The following BPTF variants were observed in gnomAD, a reference collection of about 807,000 sequenced individuals.
BPTF encodes nucleosome-remodeling factor subunit BPTF.
Under a neutral mutation model 292.5 loss-of-function variants are expected in BPTF, and 18 were observed. The ratio of observed to expected loss-of-function variants is 0.06; its 90% CI spans 0.04 to 0.09. The LOEUF (loss-of-function observed/expected upper bound fraction) is 0.09. Among genes scored for constraint, BPTF ranks in the 10% least tolerant of loss-of-function variants. The pLI is 1.00. For synonymous variants in BPTF, 1,225 were observed against 1,251.9 expected (o/e 0.98, Z 0.45); for missense variants, 2,726 against 3,498.7 (o/e 0.78, Z 5.57).
At chr17:67,841,422 A>G (rs568936032) in intron 1 of BPTF, among the ~76,000 whole-genome samples, 3 of 152,276 alleles carry the variant, frequency 2.0e-5, no homozygotes, top group African/African-American at 7.2e-5. Context: ...ATAAATAAAT[A>G]AAAAATAAAT....
Position 67,854,288 on chromosome 17 carries a change from T to C in BPTF, c.962T>C (p.Ile321Thr), listed in dbSNP as rs2058575469. 6.2e-7 allele frequency: 1 copy of C among 1,614,172 alleles called. No homozygotes were observed. The highest frequency in any genetic ancestry group is 8.5e-7 in the Non-Finnish European group (1 of 1,180,030). The change falls in exon 2 of 28, where the codon ATA becomes ACA. Residue 321 changes from isoleucine to threonine, a missense_variant. Transcript: ENST00000306378. The surrounding 1 kb of genome is among the most constrained non-coding windows in gnomAD (Gnocchi z 5.6). ...KDSVNSTLYF[I>T]DGMTWPEVLR... ...AGCGTTAATTCCACACTGTATTTCATAGATGGGATGACGTGGCCAGAGGTG... is the reference window on the plus strand; with the variant it reads ...AGCGTTAATTCCACACTGTATTTCACAGATGGGATGACGTGGCCAGAGGTG...
chr17:67,979,320 C>T (rs782560793), intron 27 of BPTF, among the ~76,000 whole-genome samples: 4 of 151,722 alleles, frequency 2.6e-5, no homozygotes, highest in Admixed American at 1.3e-4. Flanking sequence ...GGCCAAGGCA[C>T]GTGGATCATC....
Position 67,925,061 on chromosome 17 carries a change from T to G in BPTF, c.5751+472T>G, listed in dbSNP as rs558049112. On this transcript the variant is annotated intron_variant, in intron 15 of 27. Transcript: ENST00000306378. Reference sequence around the variant, plus strand: ...ATTGCACCCATCCAGGTTTTTTTTTTTTTTTTTTTTTTAAGTGTATCTCAC... The same window carrying G: ...ATTGCACCCATCCAGGTTTTTTTTTGTTTTTTTTTTTTAAGTGTATCTCAC... 5.3e-5 allele frequency among the ~76,000 whole-genome samples: 8 copies of G among 151,586 alleles called. No individual in the cohort carries two copies. The East Asian group carries it at 1.2e-3, about 22-fold the overall frequency.
intron 11 of BPTF, 108 bp downstream of exon 11, chr17:67,913,295 CAT>C (rs781307918): frequency 2.7e-5 from 39 of 1,438,168 alleles, no homozygotes; most frequent in African/African-American, 1.4e-4. Context: ...AGACAGGAAA[CAT>C]ATTAATGGCC....
chr17:67,885,635 T>C (rs138981392), intron 4 of BPTF, among the ~76,000 whole-genome samples: 1 of 152,266 alleles, frequency 6.6e-6, no homozygotes, highest in Non-Finnish European at 1.5e-5. Flanking sequence ...TTCAGTTAAT[T>C]TGGGCATAGT....
At position 67,975,702 on chromosome 17, in the gene BPTF, A is replaced by G. The variant is rs1381569115; in HGVS notation, c.8540-70A>G. ...CACAGTAAACATATATACTTGTTAG[A>G]ACTTCGGAGAATATTCACATTGGAA... On this transcript the variant is annotated intron_variant, in intron 26 of 27. Coordinates refer to ENST00000306378, the MANE Select transcript of BPTF (RefSeq NM_182641.4). 15 of 1,395,646 alleles carry G rather than the reference A, an allele frequency of 1.1e-5. No homozygotes were observed. In the East Asian group the frequency reaches 3.1e-4, roughly 28 times the overall value. The allele number at this position is 1,395,646 out of a possible 1,614,324, so 86.5% of individuals were successfully genotyped here. A position where few individuals can be genotyped will look rare whatever the true frequency, so the allele number is the denominator to read the frequency against.
chr17:67,960,819 A>G (rs1347074749), intron 24 of BPTF, among the ~76,000 whole-genome samples: 1 of 152,236 alleles, frequency 6.6e-6, no homozygotes, highest in Non-Finnish European at 1.5e-5. Context: ...AAGTTGCAAC[A>G]TTGAAGCTGC....
At chr17:67,871,891 T>G (rs1389173690) in intron 3 of BPTF, among the ~76,000 whole-genome samples, 1 of 152,182 alleles carries the variant, frequency 6.6e-6, no homozygotes, top group African/African-American at 2.4e-5. Flanking sequence ...AGTGGCATGA[T>G]CTCGGCTCAC....
rs943348736 is a variant in BPTF, at chr17:67,917,131, C to CTTTTT, written c.5304-1568_5304-1564dup. Among the ~76,000 whole-genome samples, 584 of 105,730 alleles carry CTTTTT rather than the reference C, an allele frequency of 5.5e-3. 43 individuals are homozygous for CTTTTT. The highest frequency in any genetic ancestry group is 0.038 in the East Asian group (92 of 2,444). 69.4% of individuals were successfully genotyped at this position (105,730 alleles called of 152,430 possible). The stretch of plus-strand genomic sequence containing the variant: ...GATAAGTAACTAATATGGTATTGTC[C>CTTTTT]TTTTTTTTTTTTTTTTTTTGAGATA... On this transcript the variant is annotated intron_variant, in intron 11 of 27. Coordinates refer to ENST00000306378, the MANE Select transcript of BPTF (RefSeq NM_182641.4).
rs1440101705 is a variant in BPTF at position 67,911,543 on chromosome 17, T to C, written c.3659T>C (p.Leu1220Pro). ...GNDFFIDDSK[L>P]ASADDIGTLI... ...GATTTTTTCATCGATGACTCTAAAC[T>C]AGCCAGTGCAGATGATATTGGTACT... The change falls in exon 11 of 28, where the codon CTA becomes CCA. Residue 1220 changes from leucine to proline, a missense_variant. This residue lies in a region of BPTF where 713 missense variants were observed against 714.9 expected (regional missense o/e 1.00). Transcript: ENST00000306378. 6.2e-7 allele frequency: 1 copy of C among 1,613,942 alleles called. No homozygotes were observed. The highest frequency in any genetic ancestry group is 1.7e-5 in the Admixed American group (1 of 59,964).
intron 24 of BPTF, chr17:67,963,371 A>T: frequency 6.5e-7 from 1 of 1,535,666 alleles, no homozygotes; most frequent in Non-Finnish European, 8.7e-7. Flanking sequence ...AACTGGTATC[A>T]TGGAGAATGT....
intron 9 of BPTF, among the ~76,000 whole-genome samples, chr17:67,905,723 C>A (rs550420842): frequency 6.6e-6 from 1 of 151,606 alleles, no homozygotes; most frequent in Non-Finnish European, 1.5e-5. Context: ...AAAAAAAAAT[C>A]TTAATTCAGT....
At chr17:67,976,685 CAAA>C (rs1156404121) in intron 27 of BPTF, among the ~76,000 whole-genome samples, 51 of 24,838 alleles carry the variant, frequency 2.1e-3, no homozygotes, top group African/African-American at 4.9e-3. Flanking sequence ...GACCCTGTCT[CAAA>C]AAAAAAAAAA....
At chr17:67,910,839 G>T (rs745488771) in intron 10 of BPTF, 38 bp from the exon 11 acceptor site, 1 of 1,408,450 alleles carries the variant, frequency 7.1e-7, no homozygotes. Flanking sequence ...TCCTTTCAGA[G>T]TAAAAATTAC....
At position 67,964,065 on chromosome 17, in the gene BPTF, C is replaced by A. The variant is rs548042168; in HGVS notation, c.8262-147C>A. 4.9e-5 allele frequency: 40 copies of A among 810,176 alleles called. No homozygotes were observed. The South Asian group carries it at 9.7e-4, about 20-fold the overall frequency. The allele number at this position is 810,176 out of a possible 1,614,324, so 50.2% of individuals were successfully genotyped here. A position where few individuals can be genotyped will look rare whatever the true frequency, so the allele number is the denominator to read the frequency against. On this transcript the variant is annotated intron_variant, in intron 24 of 27. Coordinates refer to ENST00000306378, the MANE Select transcript of BPTF (RefSeq NM_182641.4). Reference sequence around the variant, plus strand: ...ACATCAAAAATACTAAATTAATGAACTGGAATGTCAATCTTGAAAGTATTA... The same window carrying A: ...ACATCAAAAATACTAAATTAATGAAATGGAATGTCAATCTTGAAAGTATTA...
chr17:67,929,232 A>C, intron 16 of BPTF, 104 bp from the exon 17 acceptor site: 1 of 1,507,766 alleles, frequency 6.6e-7, no homozygotes, highest in Admixed American at 2.2e-5. Context: ...TATGTAGCCC[A>C]CTATAAAACC....
At position 67,897,465 on chromosome 17, in the gene BPTF, A is replaced by G. The variant is rs183785693; in HGVS notation, c.2543+3300A>G. On this transcript the variant is annotated intron_variant, in intron 7 of 27. Coordinates refer to ENST00000306378, the MANE Select transcript of BPTF (RefSeq NM_182641.4). The stretch of plus-strand genomic sequence containing the variant: ...TCACAGGGTCACTAACACAGTATTC[A>G]GGTTTCCTACATCCACAAAGAAAGG... Among the ~76,000 whole-genome samples the G allele has an allele frequency of 2.2e-3, 331 of 152,030 alleles. 1 individual carries two copies. Among genetic ancestry groups the G allele is most frequent in the African/African-American group, 7.4e-3 (307 of 41,470 alleles).
At chr17:67,922,695 T>C (rs1025828906) in intron 13 of BPTF, 145 bp from the exon 14 acceptor site, 2 of 833,722 alleles carry the variant, frequency 2.4e-6, no homozygotes, top group Non-Finnish European at 3.6e-6. Context: ...GCTTTCATGA[T>C]ACAAAGGCAC....
intron 1 of BPTF, among the ~76,000 whole-genome samples, chr17:67,841,090 C>T (rs1417456574): frequency 6.6e-6 from 1 of 152,078 alleles, no homozygotes; most frequent in Non-Finnish European, 1.5e-5. Context: ...TAATCCAGAG[C>T]TTGCCAGATT....
Sources: gnomAD v4.1 joint callset for allele counts (sites outside exome capture counted in the v4.1 genomes callset) on GRCh38, gnomAD v4.1.1 for gene constraint, gnomAD v4.1.1 regional missense constraint, Gnocchi (gnomAD v3.1) non-coding constraint, MANE v1.5 for transcripts, NCBI Gene and HGNC (gene_info 2026-07-23, HGNC 2026-07-21) for gene names.